RP2: variants seen among roughly 807,000 people sequenced by gnomAD.
RP2 encodes the protein RP2 activator of ARL3 GTPase.
Under a neutral mutation model 20.3 loss-of-function variants are expected in RP2, and 3 were observed. That is an observed-to-expected ratio of 0.15 (90% CI 0.07 to 0.38). RP2 has a LOEUF of 0.38. RP2 is among the 10% of genes least tolerant of loss of function. The probability of loss-of-function intolerance (pLI) is 1.00; values close to 1 mark genes in which losing one functional copy is unlikely to be tolerated. For missense variants in RP2, 233 were observed against 268.5 expected (o/e 0.87, Z 0.92); for synonymous variants, 75 against 94.8 (o/e 0.79, Z 1.22).
intron 1 of RP2, among the ~76,000 whole-genome samples, chrX:46,847,338 G>A (rs1445517358): frequency 1.8e-5 from 2 of 110,573 alleles, no homozygotes; most frequent in African/African-American, 3.3e-5. Flanking sequence ...TCTTAAGAGT[G>A]TCTTTTGAAG....
chrX:46,843,243 G>A (rs1281844913), intron 1 of RP2, among the ~76,000 whole-genome samples: 3 of 110,825 alleles, frequency 2.7e-5, no homozygotes, highest in Non-Finnish European at 3.8e-5. Context: ...TCCTGACTGC[G>A]TGATCTGCCC....
At chrX:46,862,720 A>C (rs1231349018) in intron 3 of RP2, among the ~76,000 whole-genome samples, 1 of 112,225 alleles carries the variant, frequency 8.9e-6, no homozygotes, top group African/African-American at 3.2e-5. Context: ...ATCCTAATTC[A>C]AAGGGGAAGT....
At chrX:46,847,776 G>GTGTGTA (rs1556316807) in intron 1 of RP2, among the ~76,000 whole-genome samples, 2 of 74,620 alleles carry the variant, frequency 2.7e-5, no homozygotes, top group African/African-American at 1.4e-4. Context: ...ATGTGTGTGT[G>GTGTGTA]TACATACACA....
chrX:46,842,533 A>T (rs1349070174), intron 1 of RP2, among the ~76,000 whole-genome samples: 3 of 111,842 alleles, frequency 2.7e-5, no homozygotes, highest in African/African-American at 9.7e-5. Flanking sequence ...ATAATTCAGT[A>T]TTTTTTAGTA....
At chrX:46,854,733 C>A (rs1387527777) in intron 2 of RP2, among the ~76,000 whole-genome samples, 2 of 109,725 alleles carry the variant, frequency 1.8e-5, no homozygotes, top group East Asian at 2.8e-4. Context: ...GGGGAAATTT[C>A]TTTAGAGTTC....
chrX:46,843,229 G>T (rs1924657341), intron 1 of RP2, among the ~76,000 whole-genome samples: 1 of 110,389 alleles, frequency 9.1e-6, no homozygotes, highest in South Asian at 3.9e-4. Flanking sequence ...GGATGGTCTC[G>T]ATCTCCTGAC....
chrX:46,843,524 A>C lies in RP2; in HGVS notation c.102+6322A>C, dbSNP rs557558106. Among the ~76,000 whole-genome samples, 7 of 111,877 alleles carry C rather than the reference A, an allele frequency of 6.3e-5. No homozygotes were observed. The South Asian group carries it at 1.5e-3, about 23-fold the overall frequency. On this transcript the variant is annotated intron_variant, in intron 1 of 4. Coordinates refer to ENST00000218340, the MANE Select transcript of RP2 (RefSeq NM_006915.3). The stretch of plus-strand genomic sequence containing the variant: ...TAAACTAATTTAGCTTTTAGCCCTC[A>C]GTTTCCTAAGATCCCTTCCAGTTCT...
intron 1 of RP2, 125 bp downstream of exon 1, chrX:46,837,327 A>G: frequency 4.0e-6 from 3 of 747,261 alleles, no homozygotes; most frequent in Non-Finnish European, 6.1e-6. Flanking sequence ...CGGATAGCTG[A>G]AGTCGGGGTG....
intron 1 of RP2, among the ~76,000 whole-genome samples, chrX:46,851,339 T>A (rs782165649): frequency 9.0e-6 from 1 of 111,693 alleles, no homozygotes; most frequent in Non-Finnish European, 1.9e-5. Context: ...AGGCATACTG[T>A]TTAAAAGATT....
At chrX:46,848,199 A>G (rs1462864460) in intron 1 of RP2, among the ~76,000 whole-genome samples, 1 of 108,952 alleles carries the variant, frequency 9.2e-6, no homozygotes, top group Non-Finnish European at 1.9e-5. Flanking sequence ...ATTTTATCTC[A>G]CATTATCATT....
rs782693204 is a variant in RP2 at position 46,845,427 on chromosome X, A to G, written c.103-8049A>G. On this transcript the variant is annotated intron_variant, in intron 1 of 4. Coordinates refer to ENST00000218340, the MANE Select transcript of RP2 (RefSeq NM_006915.3). Reference sequence around the variant, plus strand: ...GCTGACTTAACAATGTTTAAACTTTAAGTATTTGTTTTAATTGAAGTGTAA... The same window carrying G: ...GCTGACTTAACAATGTTTAAACTTTGAGTATTTGTTTTAATTGAAGTGTAA... Among the ~76,000 whole-genome samples, 475 of 112,311 alleles carry G rather than the reference A, an allele frequency of 4.2e-3. 5 individuals are homozygous for G. The highest frequency in any genetic ancestry group is 9.1e-3 in the Middle Eastern group (2 of 219).
chrX:46,849,377 C>A (rs138261168), intron 1 of RP2, among the ~76,000 whole-genome samples: 1 of 108,934 alleles, frequency 9.2e-6, no homozygotes, highest in African/African-American at 3.3e-5. Context: ...TGTTTTTTTA[C>A]CCCCCTTCCA....
intron 1 of RP2, among the ~76,000 whole-genome samples, chrX:46,847,721 T>TGTGTGTGTGTATATACACAC (rs1924748637): frequency 2.7e-5 from 2 of 73,213 alleles, no homozygotes; most frequent in Non-Finnish European, 5.6e-5. Flanking sequence ...CACACATATA[T>TGTGTGTGTGTATATACACAC]GTGTGTGTGT....
chrX:46,854,889 C>A (rs1449587199), intron 2 of RP2, among the ~76,000 whole-genome samples: 1 of 110,490 alleles, frequency 9.1e-6, no homozygotes, highest in Non-Finnish European at 1.9e-5. Context: ...CTCAGCCTCC[C>A]AAGTAGCTGG....
In RP2 at chrX:46,837,152, G is replaced by A. The variant is rs782717555; in HGVS notation, c.52G>A (p.Glu18Lys). ...RRKADKESRP[E>K]NEEERPKQYS... ...GAAGGCTGACAAGGAGTCGCGGCCC[G>A]AGAACGAGGAGGAGCGGCCAAAGCA... The change falls in exon 1 of 5, where the codon GAG (glutamate) becomes AAG (lysine). Residue 18 changes from glutamate to lysine, a missense_variant. Transcript: ENST00000218340. The A allele has an allele frequency of 2.6e-6, 3 of 1,169,565 alleles. No individual in the cohort carries two copies. Among genetic ancestry groups the A allele is most frequent in the African/African-American group, 3.6e-5 (2 of 55,831 alleles).
At chrX:46,879,062 TAAAAAA>T (rs35579507) in intron 4 of RP2, among the ~76,000 whole-genome samples, 1 of 33,047 alleles carries the variant, frequency 3.0e-5, no homozygotes, top group Non-Finnish European at 4.5e-5. Flanking sequence ...CTACAAAAAG[TAAAAAA>T]AAAAAAAAAA....
At chrX:46,838,168 T>C (rs1924549663) in intron 1 of RP2, among the ~76,000 whole-genome samples, 1 of 112,533 alleles carries the variant, frequency 8.9e-6, no homozygotes, top group Admixed American at 9.5e-5. Context: ...TTATAATAAA[T>C]GTATTAACGT....
intron 1 of RP2, among the ~76,000 whole-genome samples, chrX:46,848,273 T>C (rs782231181): frequency 1.2e-4 from 13 of 110,589 alleles, no homozygotes; most frequent in Admixed American, 1.9e-4. Flanking sequence ...AGTAAGATAA[T>C]AAGATGTTCA....
rs1805148 is a variant in RP2, at chrX:46,879,728, G to A, written c.1012G>A (p.Asp338Asn). The A allele has an allele frequency of 3.3e-6, 4 of 1,202,763 alleles. No individual in the cohort carries two copies. The highest frequency in any genetic ancestry group is 4.5e-6 in the Non-Finnish European group (4 of 888,602). The change falls in exon 5 of 5, where the codon GAC (aspartate) becomes AAC (asparagine). Residue 338 changes from aspartate to asparagine, a missense_variant. Around this residue, in one of 3 missense-constraint regions of RP2, gnomAD observed 118 missense variants for 123.8 expected, o/e 0.95. Coordinates refer to ENST00000218340, the MANE Select transcript of RP2 (RefSeq NM_006915.3). The part of the protein sequence containing the change: ...ESKETASGDV[D>N]SFYNFADIQM... ...CAAGGAGACGGCATCTGGAGATGTA[G>A]ACAGCTTCTACAACTTTGCTGATAT...
Sources: gnomAD v4.1 joint callset for allele counts (sites outside exome capture counted in the v4.1 genomes callset) on GRCh38, gnomAD v4.1.1 for gene constraint, gnomAD v4.1.1 regional missense constraint, MANE v1.5 for transcripts, NCBI Gene and HGNC (gene_info 2026-07-23, HGNC 2026-07-21) for gene names.